The following ATP2A2 variants were observed in gnomAD, a reference collection of about 807,000 sequenced individuals.
ATP2A2 encodes ATPase sarcoplasmic/endoplasmic reticulum Ca2+ transporting 2.
ATP2A2 carries 14 observed loss-of-function variants against 109.3 expected under a neutral mutation model. The observed-to-expected ratio is 0.13, with a 90% confidence interval of 0.08 to 0.20. ATP2A2 has a LOEUF of 0.20. Among genes scored for constraint, ATP2A2 ranks in the 10% least tolerant of loss-of-function variants. The pLI is 1.00. For missense variants in ATP2A2, 657 were observed against 1,321.6 expected, an observed-to-expected ratio of 0.50 and a Z score of 7.80; for synonymous variants, 506 against 490.9, an observed-to-expected ratio of 1.03 and a Z score of -0.41.
chr12:110,281,756 G>T lies in ATP2A2; in HGVS notation c.-34G>T, dbSNP rs1031056434. Reference sequence around the variant, plus strand: ...GAGGCGGAGGCGAGGAGGCCGCGGGGACGGGAGGCGAGGCCGGCCGGGCCC... The same window carrying T: ...GAGGCGGAGGCGAGGAGGCCGCGGGTACGGGAGGCGAGGCCGGCCGGGCCC... On this transcript the variant is annotated 5_prime_UTR_variant, in exon 1 of 20. Coordinates refer to ENST00000539276, the MANE Select transcript of ATP2A2 (RefSeq NM_170665.4). 6.9e-7 allele frequency: 1 copy of T among 1,440,046 alleles called. No individual in the cohort carries two copies. Among genetic ancestry groups the T allele is most frequent in the Admixed American group, 2.5e-5 (1 of 40,362 alleles). The allele number at this position is 1,440,046 out of a possible 1,614,324, so 89.2% of individuals were successfully genotyped here. A position where few individuals can be genotyped will look rare whatever the true frequency, so the allele number is the denominator to read the frequency against.
intron 5 of ATP2A2, among the ~76,000 whole-genome samples, chr12:110,309,917 A>G (rs561965495): frequency 6.6e-6 from 1 of 152,166 alleles, no homozygotes; most frequent in South Asian, 2.1e-4. Flanking sequence ...TCAAAAAAAA[A>G]AAAAAGAGAA....
At chr12:110,325,108 C>G (rs530848953) in intron 6 of ATP2A2, among the ~76,000 whole-genome samples, 16 of 152,082 alleles carry the variant, frequency 1.1e-4, no homozygotes, top group African/African-American at 3.6e-4. Flanking sequence ...TCATCACACC[C>G]AGCCTATAAT....
intron 5 of ATP2A2, among the ~76,000 whole-genome samples, chr12:110,308,122 T>A (rs949671427): frequency 1.3e-5 from 2 of 152,232 alleles, no homozygotes; most frequent in Non-Finnish European, 2.9e-5. Context: ...TAGTTAGTTT[T>A]AATAGTTTTT....
chr12:110,288,101 CTTT>C (rs71083111), intron 3 of ATP2A2, among the ~76,000 whole-genome samples: 2 of 87,308 alleles, frequency 2.3e-5, no homozygotes, highest in Admixed American at 1.3e-4. Context: ...ATGCTTTGCC[CTTT>C]TTTTTTTTTT....
At chr12:110,295,318 T>C (rs1566205252) in intron 4 of ATP2A2, among the ~76,000 whole-genome samples, 1 of 152,084 alleles carries the variant, frequency 6.6e-6, no homozygotes, top group Non-Finnish European at 1.5e-5. Flanking sequence ...TATGGCACCA[T>C]GTCAGGATAA....
rs1217108895 is a variant in ATP2A2, at chr12:110,323,011, T to C, written c.483T>C (p.Ala161=). The change falls in exon 6 of 20, where the codon GCT becomes GCC. Residue 161 remains alanine, a synonymous_variant. Transcript: ENST00000539276. The part of the protein sequence containing the change: ...VEIAVGDKVP[A]DIRLTSIKST... Reference sequence around the variant, plus strand: ...AATTAGTTGGTGACAAAGTTCCTGCTGATATAAGGTTAACTTCCATCAAAT... The same window carrying C: ...AATTAGTTGGTGACAAAGTTCCTGCCGATATAAGGTTAACTTCCATCAAAT... 2 of 1,613,314 alleles carry C rather than the reference T, an allele frequency of 1.2e-6. No individual in the cohort carries two copies. The highest frequency in any genetic ancestry group is 1.7e-6 in the Non-Finnish European group (2 of 1,179,344).
Position 110,349,352 on chromosome 12 carries a change from T to A in ATP2A2, c.*2882T>A. 1.0e-6 allele frequency: 1 copy of A among 985,472 alleles called. No individual in the cohort carries two copies. The highest frequency in any genetic ancestry group is 1.2e-6 in the Non-Finnish European group (1 of 829,968). The allele number at this position is 985,472 out of a possible 1,614,324, so 61.0% of individuals were successfully genotyped here. ...TCTTGCCTGAAACTTACTTCCACATTCTTTCCTGATGGGCAGGTGGCTGAA... is the reference window on the plus strand; with the variant it reads ...TCTTGCCTGAAACTTACTTCCACATACTTTCCTGATGGGCAGGTGGCTGAA... On this transcript the variant is annotated 3_prime_UTR_variant, in exon 20 of 20. Coordinates refer to ENST00000539276, the MANE Select transcript of ATP2A2 (RefSeq NM_170665.4).
At chr12:110,304,213 T>C (rs1249591574) in intron 5 of ATP2A2, among the ~76,000 whole-genome samples, 3 of 152,224 alleles carry the variant, frequency 2.0e-5, no homozygotes, top group African/African-American at 4.8e-5. Context: ...TTTGGTCTAT[T>C]ATGAGTAATG....
chr12:110,286,659 G>C (rs1872692838), intron 3 of ATP2A2, among the ~76,000 whole-genome samples: 1 of 149,000 alleles, frequency 6.7e-6, no homozygotes, highest in African/African-American at 2.5e-5. Flanking sequence ...GTAATTCTCT[G>C]TATCATTCTC....
At chr12:110,310,588 C>T (rs1165975053) in intron 5 of ATP2A2, among the ~76,000 whole-genome samples, 1 of 152,158 alleles carries the variant, frequency 6.6e-6, no homozygotes, top group Non-Finnish European at 1.5e-5. Flanking sequence ...TCTCAGATGA[C>T]TTCTGTCTTG....
rs557318134 is a variant in ATP2A2 at position 110,349,178 on chromosome 12, G to A, written c.*2708G>A. 2.4e-5 allele frequency: 24 copies of A among 985,526 alleles called. No individual in the cohort carries two copies. In the African/African-American group the frequency reaches 3.8e-4, roughly 16 times the overall value. 61.0% of individuals were successfully genotyped at this position (985,526 alleles called of 1,614,324 possible). A position where few individuals can be genotyped will look rare whatever the true frequency, so the allele number is the denominator to read the frequency against. ...GCTCCATTTCACTGAAGGCTTTGCT[G>A]GGTGAAAACACTTCAGCATCTCCTC... is the stretch of plus-strand genomic sequence containing the variant. On this transcript the variant is annotated 3_prime_UTR_variant, in exon 20 of 20. Coordinates refer to ENST00000539276, the MANE Select transcript of ATP2A2 (RefSeq NM_170665.4).
intron 1 of ATP2A2, 64 bp downstream of exon 1, chr12:110,281,971 A>G: frequency 7.6e-7 from 1 of 1,313,702 alleles, no homozygotes; most frequent in Non-Finnish European, 1.0e-6. Flanking sequence ...AAGATGGCTG[A>G]CCGGGCTCCA....
chr12:110,340,641 G>T lies in ATP2A2; in HGVS notation c.1762-18G>T. 2 of 1,613,794 alleles carry T rather than the reference G, an allele frequency of 1.2e-6. No individual in the cohort carries two copies. The highest frequency in any genetic ancestry group is 3.3e-5 in the Admixed American group (2 of 60,012). ...CTAGAACTTGCCACTTTTATTTAAA[G>T]TGATGCTCTTATTTTAGACCAATCT... On this transcript the variant is annotated intron_variant, in intron 13 of 19. Transcript: ENST00000539276. This position sits in a 1 kb window ranked among gnomAD's most constrained non-coding sequence, Gnocchi z 6.0.
rs182227613 is a variant in ATP2A2, at chr12:110,347,557, G to A, written c.*1087G>A. On this transcript the variant is annotated 3_prime_UTR_variant, in exon 20 of 20. Transcript: ENST00000539276. ...GCTGGCCTGGTATAGAGAACATAAG[G>A]GCAAGTGTGTATGTGTGTGTATGTG... 2,265 of 1,285,158 alleles carry A rather than the reference G, an allele frequency of 1.8e-3. 4 individuals carry two copies. Among genetic ancestry groups the A allele is most frequent in the Non-Finnish European group, 2.1e-3 (2,100 of 985,836 alleles). 79.6% of individuals were successfully genotyped at this position (1,285,158 alleles called of 1,614,324 possible).
chr12:110,320,692 T>A (rs1284768559), intron 5 of ATP2A2, among the ~76,000 whole-genome samples: 1 of 152,248 alleles, frequency 6.6e-6, no homozygotes, highest in Non-Finnish European at 1.5e-5. Flanking sequence ...TGAATATTGC[T>A]GTTCATTGCA....
In ATP2A2 at chr12:110,304,964, C is replaced by T. The variant is rs370065340; in HGVS notation, c.463+8227C>T. Among the ~76,000 whole-genome samples the T allele has an allele frequency of 2.6e-5, 4 of 151,836 alleles. No individual in the cohort carries two copies. The South Asian group carries it at 8.3e-4, about 32-fold the overall frequency. ...TTTCTTTTTGAGACGGAGTCTTGCT[C>T]TGTTGTCCAGGCTGGAGTGCAGCGA... On this transcript the variant is annotated intron_variant, in intron 5 of 19. Coordinates refer to ENST00000539276, the MANE Select transcript of ATP2A2 (RefSeq NM_170665.4).
rs766741286 is a variant in ATP2A2 at position 110,326,384 on chromosome 12, G to A, written c.545-6G>A. ...ATCTGTTTTTTCTGTCTCACAACCC[G>A]CTTAGGTGAATCTGTCTCTGTCATC... On this transcript the variant is annotated splice_region_variant and splice_polypyrimidine_tract_variant and intron_variant, in intron 6 of 19. Transcript: ENST00000539276. The A allele has an allele frequency of 2.3e-5, 37 of 1,613,132 alleles. No homozygotes were observed. Among genetic ancestry groups the A allele is most frequent in the Middle Eastern group, 3.3e-4 (2 of 6,082 alleles).
rs1386923520 is a variant in ATP2A2 at position 110,343,416 on chromosome 12, C to T, written c.2503C>T (p.Arg835Cys). The T allele has an allele frequency of 3.7e-6, 6 of 1,614,164 alleles. No homozygotes were observed. Among genetic ancestry groups the T allele is most frequent in the East Asian group, 2.2e-5 (1 of 44,890 alleles). ...ATTGATCAGCGGGTGGCTCTTTTTCCGTTACTTGGCTATTGGCTGTGAGTA... is the reference window on the plus strand; with the variant it reads ...ATTGATCAGCGGGTGGCTCTTTTTCTGTTACTTGGCTATTGGCTGTGAGTA... Reference protein sequence around the residue: ...EPLISGWLFFRYLAIGCYVGA... With the variant: ...EPLISGWLFFCYLAIGCYVGA... Residue 835 changes from arginine to cysteine, a missense_variant, in exon 16 of 20, where the codon CGT becomes TGT. Transcript: ENST00000539276.
Position 110,348,634 on chromosome 12 carries a change from G to A in ATP2A2, c.*2164G>A. 1 of 985,380 alleles carries A rather than the reference G, an allele frequency of 1.0e-6. No individual in the cohort carries two copies. The highest frequency in any genetic ancestry group is 1.2e-6 in the Non-Finnish European group (1 of 829,950). 61.0% of individuals were successfully genotyped at this position (985,380 alleles called of 1,614,324 possible). ...GTAAGTAAGTCTCAGCCCTTTGGAG[G>A]CCACAGCAGAAGGATTGCTTGAGCC... On this transcript the variant is annotated 3_prime_UTR_variant, in exon 20 of 20. Coordinates refer to ENST00000539276, the MANE Select transcript of ATP2A2 (RefSeq NM_170665.4).
Sources: gnomAD v4.1 joint callset for allele counts (sites outside exome capture counted in the v4.1 genomes callset) on GRCh38, gnomAD v4.1.1 for gene constraint, Gnocchi (gnomAD v3.1) non-coding constraint, MANE v1.5 for transcripts, NCBI Gene and HGNC (gene_info 2026-07-23, HGNC 2026-07-21) for gene names.